The following GRM3 variants were observed in gnomAD, a reference collection of about 807,000 sequenced individuals.
GRM3 encodes the protein metabotropic glutamate receptor 3.
GRM3 carries 26 observed loss-of-function variants against 70.5 expected under a neutral mutation model. The ratio of observed to expected loss-of-function variants is 0.37; its 90% CI spans 0.27 to 0.51. The LOEUF is 0.51. Ranked by LOEUF, GRM3 falls within the 20% of genes least tolerant of loss-of-function variation. The pLI, the probability that GRM3 is intolerant of heterozygous loss-of-function variation, is 0.93. For synonymous variants in GRM3, 443 were observed against 434.9 expected, an observed-to-expected ratio of 1.02 and a Z score of -0.23; for missense variants, 859 against 1,123.8, an observed-to-expected ratio of 0.76 and a Z score of 3.37.
chr7:86,699,478 T>G (rs1185264999), intron 1 of GRM3, among the ~76,000 whole-genome samples: 1 of 152,036 alleles, frequency 6.6e-6, no homozygotes, highest in Non-Finnish European at 1.5e-5. Context: ...CAACACATAT[T>G]GATAAGAGCA....
At chr7:86,697,701 A>T (rs1028208361) in intron 1 of GRM3, among the ~76,000 whole-genome samples, 38 of 147,218 alleles carry the variant, frequency 2.6e-4, no homozygotes, top group African/African-American at 9.9e-4. Flanking sequence ...TGATTTCCCT[A>T]AAAAAAAATT....
intron 1 of GRM3, among the ~76,000 whole-genome samples, chr7:86,709,493 C>G (rs927922709): frequency 6.6e-6 from 1 of 152,008 alleles, no homozygotes; most frequent in Non-Finnish European, 1.5e-5. Context: ...TTGTATGGCC[C>G]CTTTATTTCA....
chr7:86,722,920 G>T (rs997940966), intron 1 of GRM3, among the ~76,000 whole-genome samples: 1 of 151,790 alleles, frequency 6.6e-6, no homozygotes, highest in African/African-American at 2.4e-5. Flanking sequence ...CTAATTAGAG[G>T]GCTGGAATTT....
intron 2 of GRM3, among the ~76,000 whole-genome samples, chr7:86,770,521 G>A (rs756509283): frequency 6.6e-6 from 1 of 152,082 alleles, no homozygotes; most frequent in Non-Finnish European, 1.5e-5. Context: ...ATCCATTGCA[G>A]TAAATTTCAC....
intron 5 of GRM3, among the ~76,000 whole-genome samples, chr7:86,853,836 A>T (rs1798798247): frequency 6.6e-6 from 1 of 152,176 alleles, no homozygotes; most frequent in South Asian, 2.1e-4. Context: ...GGCTTGGTTC[A>T]TCTGCTCCAT....
At chr7:86,694,530 A>G (rs866482602) in intron 1 of GRM3, among the ~76,000 whole-genome samples, 4 of 43,588 alleles carry the variant, frequency 9.2e-5, no homozygotes, top group African/African-American at 3.3e-4. Flanking sequence ...AAAAAAAAAG[A>G]AAAGAAAGAA....
At chr7:86,794,274 C>T (rs528058402) in intron 3 of GRM3, among the ~76,000 whole-genome samples, 1 of 152,218 alleles carries the variant, frequency 6.6e-6, no homozygotes, top group South Asian at 2.1e-4. Flanking sequence ...CTGAGCAGGA[C>T]ACTGAGAAGC....
At chr7:86,680,694 G>A (rs2115961682) in intron 1 of GRM3, among the ~76,000 whole-genome samples, 1 of 152,256 alleles carries the variant, frequency 6.6e-6, no homozygotes, top group Middle Eastern at 3.4e-3. Flanking sequence ...AATGATCCCA[G>A]ACAGTGCAAG....
At chr7:86,827,517 C>CT (rs574706020) in intron 3 of GRM3, among the ~76,000 whole-genome samples, 15,385 of 145,314 alleles carry the variant, frequency 0.11, 1,072 homozygotes, top group African/African-American at 0.19. Flanking sequence ...ATATAAATCA[C>CT]TTTTTTTTTT....
chr7:86,810,903 A>AT (rs1179408563), intron 3 of GRM3, among the ~76,000 whole-genome samples: 16 of 151,912 alleles, frequency 1.1e-4, no homozygotes, highest in Admixed American at 1.1e-3. Flanking sequence ...AAATTCCCAT[A>AT]TTTTTTCACT....
At chr7:86,764,096 G>A (rs543038051) in intron 1 of GRM3, among the ~76,000 whole-genome samples, 1 of 152,232 alleles carries the variant, frequency 6.6e-6, no homozygotes, top group East Asian at 1.9e-4. Context: ...TCCATTCATA[G>A]ACACGCAGAC....
intron 1 of GRM3, among the ~76,000 whole-genome samples, chr7:86,656,000 C>A (rs1201074180): frequency 1.3e-5 from 2 of 152,132 alleles, no homozygotes; most frequent in Admixed American, 6.6e-5. Flanking sequence ...CAGACTCTTA[C>A]TTTGAGATTC....
intron 1 of GRM3, among the ~76,000 whole-genome samples, chr7:86,655,801 A>G (rs536309820): frequency 1.3e-5 from 2 of 149,528 alleles, no homozygotes; most frequent in South Asian, 4.3e-4. Flanking sequence ...ACTAGACCCC[A>G]AGATTTTTAA....
intron 3 of GRM3, among the ~76,000 whole-genome samples, chr7:86,812,842 A>C (rs1797938837): frequency 6.6e-6 from 1 of 151,800 alleles, no homozygotes. Context: ...GCAAAGGGAT[A>C]TATGAATAGC....
At chr7:86,856,470 A>T (rs944050175) in intron 5 of GRM3, among the ~76,000 whole-genome samples, 3 of 151,666 alleles carry the variant, frequency 2.0e-5, no homozygotes, top group African/African-American at 7.3e-5. Flanking sequence ...AAAAAAAAAA[A>T]AGTCCACAGA....
At chr7:86,663,208 G>T (rs1348202952) in intron 1 of GRM3, among the ~76,000 whole-genome samples, 1 of 151,858 alleles carries the variant, frequency 6.6e-6, no homozygotes, top group Non-Finnish European at 1.5e-5. Flanking sequence ...AGAAGTTACA[G>T]TCCAAAGAAA....
At chr7:86,863,793 C>T (rs1799005307) in intron 5 of GRM3, among the ~76,000 whole-genome samples, 1 of 152,002 alleles carries the variant, frequency 6.6e-6, no homozygotes, top group South Asian at 2.1e-4. Context: ...GTATTTAAAC[C>T]AGTTTATAGA....
chr7:86,855,501 T>C (rs192366994), intron 5 of GRM3, among the ~76,000 whole-genome samples: 22 of 152,278 alleles, frequency 1.4e-4, no homozygotes, highest in Non-Finnish European at 2.9e-4. Flanking sequence ...GACTACCCAA[T>C]GATGCCCAGA....
intron 3 of GRM3, among the ~76,000 whole-genome samples, chr7:86,814,766 AT>A (rs1312948251): frequency 1.3e-5 from 2 of 151,116 alleles, no homozygotes; most frequent in African/African-American, 4.9e-5. Context: ...TCTCTTTATA[AT>A]TGCAATTTGA....
Sources: allele counts gnomAD v4.1 joint callset (sites outside exome capture counted in the v4.1 genomes callset), GRCh38; gene constraint gnomAD v4.1.1; transcripts MANE v1.5; gene names NCBI Gene and HGNC (gene_info 2026-07-23, HGNC 2026-07-21).